Variants in AFDN observed in about 807,000 individuals in gnomAD.
AFDN encodes the protein afadin, adherens junction formation factor.
In AFDN, 68 loss-of-function variants were observed where a neutral mutation model predicts 216.6. The ratio of observed to expected loss-of-function variants is 0.31; its 90% CI spans 0.26 to 0.38. The LOEUF is 0.38. AFDN is among the 10% of genes least tolerant of loss of function. The probability of loss-of-function intolerance (pLI) is 1.00; values close to 1 mark genes in which losing one functional copy is unlikely to be tolerated. For synonymous variants in AFDN, 868 were observed against 853.7 expected (o/e 1.02, Z -0.29); for missense variants, 2,136 against 2,342.0 (o/e 0.91, Z 1.82).
chr6:167,890,993 C>A lies in AFDN; in HGVS notation c.1141C>A (p.Pro381Thr). 6.2e-7 allele frequency: 1 copy of A among 1,613,930 alleles called. No homozygotes were observed. The highest frequency in any genetic ancestry group is 8.5e-7 in the Non-Finnish European group (1 of 1,179,906). ...GTCTGGCTATGGCTCCACCCTTCCTCCGGAGAAGCTGCCCTATTTAGTAGA... is the reference window on the plus strand; with the variant it reads ...GTCTGGCTATGGCTCCACCCTTCCTACGGAGAAGCTGCCCTATTTAGTAGA... ...DGSGYGSTLP[P>T]EKLPYLVELS... The change falls in exon 8 of 34, where the codon CCG becomes ACG. Residue 381 changes from proline (P) to threonine (T), a missense_variant. Transcript: ENST00000683244.
intron 10 of AFDN, among the ~76,000 whole-genome samples, chr6:167,897,237 A>G (rs1562630486): frequency 6.6e-6 from 1 of 152,172 alleles, no homozygotes; most frequent in African/African-American, 2.4e-5. Context: ...AAAGATGGTG[A>G]TGATACTTTT....
chr6:167,918,579 C>G (rs1410211841), intron 20 of AFDN, among the ~76,000 whole-genome samples, 156 bp from the exon 21 acceptor site: 1 of 152,116 alleles, frequency 6.6e-6, no homozygotes, highest in Non-Finnish European at 1.5e-5. Flanking sequence ...CTCCTGGGAC[C>G]TGTGCTCCCT....
chr6:167,918,790 G>A lies in AFDN; in HGVS notation c.2765G>A (p.Arg922His), dbSNP rs147675163. The A allele has an allele frequency of 3.1e-5, 50 of 1,613,474 alleles. No homozygotes were observed. The highest frequency in any genetic ancestry group is 4.5e-5 in the East Asian group (2 of 44,894). The change falls in exon 21 of 34, where the codon CGC becomes CAC. Residue 922 changes from arginine to histidine, a missense_variant. Around this residue, in one of 8 missense-constraint regions of AFDN, gnomAD observed 162 missense variants for 182.6 expected, o/e 0.89. Coordinates refer to ENST00000683244, the MANE Select transcript of AFDN (RefSeq NM_001386888.1). ...GAAAACACTGCCGATGAGCTGGCCC[G>A]CAGTGATGGAAGGGAAGTGCAGTTG... ...VAENTADELARSDGREVQLEE... is the reference protein window; with the variant it reads ...VAENTADELAHSDGREVQLEE...
chr6:167,958,904 C>G (rs1299772802), intron 30 of AFDN, among the ~76,000 whole-genome samples: 1 of 152,198 alleles, frequency 6.6e-6, no homozygotes, highest in Admixed American at 6.5e-5. Flanking sequence ...TGGAGTGCCT[C>G]TAGAATGAAA....
At chr6:167,914,782 A>T (rs1353571648) in intron 18 of AFDN, 44 bp downstream of exon 18, 1 of 1,352,030 alleles carries the variant, frequency 7.4e-7, no homozygotes, top group South Asian at 1.2e-5. Context: ...CGCTTCCTTC[A>T]CGTTTAGCAT....
At chr6:167,830,378 A>G (rs990804352) in intron 1 of AFDN, among the ~76,000 whole-genome samples, 18 of 152,230 alleles carry the variant, frequency 1.2e-4, no homozygotes, top group Non-Finnish European at 7.3e-5. Flanking sequence ...TGTATCTTGC[A>G]TGGTAGGAGC....
chr6:167,826,800 C>G, upstream of AFDN: 2 of 150,434 alleles, frequency 1.3e-5, no homozygotes, highest in South Asian at 3.9e-4. Context: ...GTGGAGCGGC[C>G]CGGAGGTGCG....
At chr6:167,958,810 A>G (rs1583055144) in intron 30 of AFDN, among the ~76,000 whole-genome samples, 1 of 152,358 alleles carries the variant, frequency 6.6e-6, no homozygotes, top group South Asian at 2.1e-4. Context: ...TTCAAGCAGG[A>G]ATTAGTAGGA....
chr6:167,939,375 G>A (rs764800961), intron 23 of AFDN, among the ~76,000 whole-genome samples: 1 of 152,180 alleles, frequency 6.6e-6, no homozygotes, highest in Non-Finnish European at 1.5e-5. Flanking sequence ...CAGGTGGAAA[G>A]CAGAGGAAAA....
chr6:167,849,079 C>T (rs1250945550), intron 1 of AFDN, among the ~76,000 whole-genome samples: 1 of 152,136 alleles, frequency 6.6e-6, no homozygotes, highest in Non-Finnish European at 1.5e-5. Context: ...ACTTGATCTT[C>T]CTTAGGCCCC....
intron 23 of AFDN, among the ~76,000 whole-genome samples, chr6:167,934,077 T>TTG: frequency 6.6e-6 from 1 of 152,052 alleles, no homozygotes; most frequent in Non-Finnish European, 1.5e-5. Flanking sequence ...CTAAGGAGAG[T>TTG]TGTGCACTCT....
At position 167,914,183 on chromosome 6, in the gene AFDN, G is replaced by T. The variant is rs768724367; in HGVS notation, c.2074G>T (p.Ala692Ser). 5 of 1,614,074 alleles carry T rather than the reference G, an allele frequency of 3.1e-6. No homozygotes were observed. Among genetic ancestry groups the T allele is most frequent in the South Asian group, 1.1e-5 (1 of 91,042 alleles). ...DQVDQKQKNI[A>S]GALAFWMANA... is the part of the protein sequence containing the mutation. Reference sequence around the variant, plus strand: ...CTGTCTACAGAAACAGAAGAATATTGCAGGGGCACTTGCCTTCTGGATGGC... The same window carrying T: ...CTGTCTACAGAAACAGAAGAATATTTCAGGGGCACTTGCCTTCTGGATGGC... Residue 692 changes from alanine (A) to serine (S), a missense_variant, in exon 17 of 34, where the codon GCA becomes TCA. Transcript: ENST00000683244.
chr6:167,962,368 G>A lies in AFDN; in HGVS notation c.4834-65G>A. On this transcript the variant is annotated intron_variant, in intron 30 of 33. Transcript: ENST00000683244. This position sits in a 1 kb window ranked among gnomAD's most constrained non-coding sequence, Gnocchi z 5.2. Reference sequence around the variant, plus strand: ...TATATGTGTGTCTACTTGTCTTAATGTGTGCATTTTATGTCTTGTGCTGGT... The same window carrying A: ...TATATGTGTGTCTACTTGTCTTAATATGTGCATTTTATGTCTTGTGCTGGT... 1.9e-6 allele frequency: 3 copies of A among 1,603,644 alleles called. No individual in the cohort carries two copies. The highest frequency in any genetic ancestry group is 2.6e-6 in the Non-Finnish European group (3 of 1,174,062).
intron 9 of AFDN, among the ~76,000 whole-genome samples, chr6:167,896,139 C>G (rs1788212644): frequency 6.6e-6 from 1 of 151,836 alleles, no homozygotes; most frequent in South Asian, 2.1e-4. Context: ...AGAGCAGCTT[C>G]CTCCTCCTCC....
intron 21 of AFDN, 61 bp downstream of exon 21, chr6:167,918,994 C>T: frequency 7.1e-7 from 1 of 1,414,656 alleles, no homozygotes; most frequent in South Asian, 1.2e-5. Flanking sequence ...GCATTTTATT[C>T]ATTGTCCATC....
At chr6:167,957,308 T>C (rs576301939) in intron 30 of AFDN, among the ~76,000 whole-genome samples, 1 of 152,354 alleles carries the variant, frequency 6.6e-6, no homozygotes, top group African/African-American at 2.4e-5. Flanking sequence ...TAGGCATGTT[T>C]GTCTCTTCTG....
chr6:167,967,752 C>T (rs1030934035), intron 32 of AFDN, among the ~76,000 whole-genome samples: 9 of 152,130 alleles, frequency 5.9e-5, no homozygotes, highest in Non-Finnish European at 7.4e-5. Flanking sequence ...AAGACTTCTT[C>T]GTAATGTACA....
intron 1 of AFDN, among the ~76,000 whole-genome samples, chr6:167,834,144 T>C (rs1257102587): frequency 6.6e-6 from 1 of 152,148 alleles, no homozygotes; most frequent in Non-Finnish European, 1.5e-5. Flanking sequence ...ACAAGAGGTA[T>C]ATGGTTACTT....
Position 167,952,019 on chromosome 6 carries a change from C to T in AFDN, c.4665C>T (p.Asp1555=). 6.2e-7 allele frequency: 1 copy of T among 1,614,166 alleles called. No individual in the cohort carries two copies. The highest frequency in any genetic ancestry group is 1.7e-5 in the Admixed American group (1 of 60,026). ...TCCAGGAGCTCCAGAGCAAACCGGA[C>T]CGCAGCGCCGAGGAGAGCGACCGGC... ...KEIQELQSKP[D]RSAEESDRLR... The change falls in exon 30 of 34, where the codon GAC becomes GAT. Residue 1555 remains aspartate, a synonymous_variant. Coordinates refer to ENST00000683244, the MANE Select transcript of AFDN (RefSeq NM_001386888.1).
Sources: gnomAD v4.1 joint callset for allele counts (sites outside exome capture counted in the v4.1 genomes callset) on GRCh38, gnomAD v4.1.1 for gene constraint, gnomAD v4.1.1 regional missense constraint, Gnocchi (gnomAD v3.1) non-coding constraint, MANE v1.5 for transcripts, NCBI Gene and HGNC (gene_info 2026-07-23, HGNC 2026-07-21) for gene names.